SPG11: variants seen among roughly 807,000 people sequenced by gnomAD.
SPG11 encodes SPG11 vesicle trafficking associated, spatacsin.
Under a neutral mutation model 274.0 loss-of-function variants are expected in SPG11, and 222 were observed. The observed-to-expected ratio is 0.81, with a 90% CI of 0.73 to 0.91. The LOEUF is 0.91. SPG11 is among the 40% of genes least tolerant of loss of function. The pLI, the probability that SPG11 is intolerant of heterozygous loss-of-function variation, is 0.00. For missense variants in SPG11, 3,114 were observed against 2,872.7 expected (o/e 1.08, Z -1.92); for synonymous variants, 1,144 against 1,039.7 (o/e 1.10, Z -1.93).
rs2084783864 is a variant in SPG11 at position 44,651,738 on chromosome 15, A to G, written c.1209T>C (p.His403=). The change falls in exon 6 of 40, where the codon CAT becomes CAC. Residue 403 remains histidine, a synonymous_variant. Coordinates refer to ENST00000261866, the MANE Select transcript of SPG11 (RefSeq NM_025137.4). ...HGQYNVLQKD[H]AKTSDPGRSW... ...ATCTTCCTGGATCACTGGTCTTGGC[A>G]TGATCTTTCTGTAGAACATTATATT... 1 of 1,614,228 alleles carries G rather than the reference A, an allele frequency of 6.2e-7. No individual in the cohort carries two copies. Among genetic ancestry groups the G allele is most frequent in the South Asian group, 1.1e-5 (1 of 91,088 alleles).
Position 44,663,619 on chromosome 15 carries a change from G to C in SPG11, c.29C>G (p.Ala10Gly), listed in dbSNP as rs750165094. ...GCCCCAGCTACCGCCGGCGGAAGCA[G>C]CACTCGCGACCCCTTCCTCTGCAGC... is the stretch of plus-strand genomic sequence containing the variant. Reference protein sequence around the residue: MAAEEGVASAASAGGSWGTA... With the variant: MAAEEGVASGASAGGSWGTA... Residue 10 changes from alanine to glycine, a missense_variant, in exon 1 of 40, where the codon GCT becomes GGT. Physicochemically the swap from Ala to Gly is moderately conservative, Grantham distance 60 (BLOSUM62 0). Coordinates refer to ENST00000261866, the MANE Select transcript of SPG11 (RefSeq NM_025137.4). 14 of 1,596,354 alleles carry C rather than the reference G, an allele frequency of 8.8e-6. No homozygotes were observed. The East Asian group carries it at 2.2e-4, about 26-fold the overall frequency.
Position 44,657,096 on chromosome 15 carries a change from T to C in SPG11, c.868A>G (p.Arg290Gly). Residue 290 changes from arginine to glycine, a missense_variant and splice_region_variant, in exon 4 of 40, where the codon AGG (arginine) becomes GGG (glycine). Coordinates refer to ENST00000261866, the MANE Select transcript of SPG11 (RefSeq NM_025137.4). ...AVALNLNLYF[R>G]QHPGHLLCER... ...TAGAAACTGCAGTCATCTACATACC[T>C]GAAATACAAATTTAAGTTAAGAGCA... The C allele has an allele frequency of 6.2e-7, 1 of 1,613,678 alleles. No individual in the cohort carries two copies. The highest frequency in any genetic ancestry group is 8.5e-7 in the Non-Finnish European group (1 of 1,179,718).
chr15:44,572,947 T>C (rs2082453400), intron 32 of SPG11, 127 bp from the exon 33 acceptor site: 2 of 838,750 alleles, frequency 2.4e-6, no homozygotes, highest in Non-Finnish European at 4.0e-6. Flanking sequence ...CTTGAAACCC[T>C]TGGCCTATTG....
At chr15:44,572,613 T>C (rs761517054) in intron 33 of SPG11, 70 bp downstream of exon 33, 4 of 1,558,698 alleles carry the variant, frequency 2.6e-6, no homozygotes, top group Non-Finnish European at 2.6e-6. Context: ...AATCAAGTTT[T>C]GGAGAGACTG....
intron 30 of SPG11, among the ~76,000 whole-genome samples, chr15:44,578,502 A>G (rs2082592748): frequency 6.7e-6 from 1 of 149,654 alleles, no homozygotes; most frequent in African/African-American, 2.5e-5. Flanking sequence ...AATAACTGAA[A>G]AGAGAAGCCT....
chr15:44,612,712 T>G (rs2083492677), intron 17 of SPG11, among the ~76,000 whole-genome samples: 1 of 152,136 alleles, frequency 6.6e-6, no homozygotes, highest in African/African-American at 2.4e-5. Flanking sequence ...ACCTTCTTGA[T>G]AGTTGTCTGT....
At position 44,572,792 on chromosome 15, in the gene SPG11, C is replaced by T; in HGVS notation, c.6234G>A (p.Glu2078=). 2 of 1,614,056 alleles carry T rather than the reference C, an allele frequency of 1.2e-6. No individual in the cohort carries two copies. The highest frequency in any genetic ancestry group is 1.7e-6 in the Non-Finnish European group (2 of 1,179,998). The change falls in exon 33 of 40, where the codon GAG becomes GAA. Residue 2078 remains glutamate, a synonymous_variant. Transcript: ENST00000261866. The stretch of plus-strand genomic sequence containing the variant: ...TCAGCTGAAGAAATGTCTGGCTTTC[C>T]TCTGTTGGGTTGAACATCTGCTTAT... ...TGHKQMFNPT[E]ESQTFLQLTT...
chr15:44,567,906 A>ATG (rs2082342297), intron 35 of SPG11, among the ~76,000 whole-genome samples: 1 of 152,232 alleles, frequency 6.6e-6, no homozygotes, highest in Non-Finnish European at 1.5e-5. Context: ...GCTAAGATGA[A>ATG]TGTAACAGGG....
chr15:44,622,866 G>A (rs980556625), intron 11 of SPG11, 67 bp from the exon 12 acceptor site: 18 of 1,145,360 alleles, frequency 1.6e-5, no homozygotes, highest in Non-Finnish European at 2.3e-5. Flanking sequence ...ACATAAATAT[G>A]TGTTAGATAC....
rs535152071 is a variant in SPG11 at position 44,563,142 on chromosome 15, T to C, written c.7311A>G (p.Leu2437=). The C allele has an allele frequency of 6.2e-7, 1 of 1,614,178 alleles. No individual in the cohort carries two copies. Among genetic ancestry groups the C allele is most frequent in the Non-Finnish European group, 8.5e-7 (1 of 1,180,022 alleles). Reference sequence around the variant, plus strand: ...TCATCTAACCTGCTAGCATGTCCTTTAGACAGCAACCTGTCTGAGGGTCCT... The same window carrying C: ...TCATCTAACCTGCTAGCATGTCCTTCAGACAGCAACCTGTCTGAGGGTCCT... ...LLKDPQTGCC[L]KDMLAG is the part of the protein sequence containing the mutation. Residue 2437 remains leucine, a synonymous_variant, in exon 40 of 40, where the codon CTA becomes CTG. Transcript: ENST00000261866.
At chr15:44,612,557 G>A (rs915036636) in intron 17 of SPG11, among the ~76,000 whole-genome samples, 1 of 151,908 alleles carries the variant, frequency 6.6e-6, no homozygotes, top group Non-Finnish European at 1.5e-5. Flanking sequence ...TGCCACCACA[G>A]CTAATTTTTA....
intron 7 of SPG11, among the ~76,000 whole-genome samples, chr15:44,646,887 C>A (rs768789580): frequency 6.6e-6 from 1 of 152,096 alleles, no homozygotes; most frequent in Non-Finnish European, 1.5e-5. Flanking sequence ...TGCTTATTAC[C>A]TGAGTGATGA....
chr15:44,614,716 A>G (rs1004312148), intron 16 of SPG11, among the ~76,000 whole-genome samples: 3 of 152,138 alleles, frequency 2.0e-5, no homozygotes. Flanking sequence ...GGGAGTAACT[A>G]CCCCATAGAG....
intron 20 of SPG11, among the ~76,000 whole-genome samples, chr15:44,602,564 C>T (rs553783442): frequency 1.3e-5 from 2 of 151,486 alleles, no homozygotes; most frequent in Admixed American, 6.6e-5. Context: ...CTGCAAGTTC[C>T]GCCTCCCGTA....
chr15:44,570,479 C>T, intron 34 of SPG11, 46 bp downstream of exon 34: 1 of 1,613,318 alleles, frequency 6.2e-7, no homozygotes, highest in Non-Finnish European at 8.5e-7. Context: ...CTACTACTCT[C>T]AAAGGTTTCC....
In SPG11 at chr15:44,654,535, CTTA is replaced by C. The variant is rs549626531; in HGVS notation, c.870-2272_870-2270del. On this transcript the variant is annotated intron_variant, in intron 4 of 39. Transcript: ENST00000261866. ...AATTAAAAAAAAAGAAACCCACAAACTTATTATAAAAAGTTAAGATTGGCTGGG... is the reference window on the plus strand; with the variant it reads ...AATTAAAAAAAAAGAAACCCACAAACTTATAAAAAGTTAAGATTGGCTGGG... Among the ~76,000 whole-genome samples, 1,070 of 151,474 alleles carry C rather than the reference CTTA, an allele frequency of 7.1e-3. 14 individuals are homozygous for C. The highest frequency in any genetic ancestry group is 0.024 in the African/African-American group (994 of 41,252).
chr15:44,584,318 C>T lies in SPG11; in HGVS notation c.5362G>A (p.Val1788Met), dbSNP rs200918991. 3.5e-5 allele frequency: 56 copies of T among 1,611,324 alleles called. No homozygotes were observed. The highest frequency in any genetic ancestry group is 8.4e-5 in the Admixed American group (5 of 59,820). The change falls in exon 30 of 40, where the codon GTG (valine) becomes ATG (methionine). Residue 1788 changes from valine to methionine, a missense_variant. Physicochemically the swap from Val to Met is conservative, Grantham distance 21. Transcript: ENST00000261866. ...TCCTCCAGCTTATCCAAGGGCACCA[C>T]GTCCTCCTGGGCAAGCCAGTGCCCT... is the stretch of plus-strand genomic sequence containing the variant. ...LAGHWLAQED[V>M]VPLDKLEELE...
At chr15:44,614,026 A>C (rs1043386682) in intron 16 of SPG11, among the ~76,000 whole-genome samples, 3 of 152,342 alleles carry the variant, frequency 2.0e-5, no homozygotes, top group East Asian at 1.9e-4. Context: ...TCTAAGTGAC[A>C]GAGTGAGACT....
intron 2 of SPG11, 151 bp downstream of exon 2, chr15:44,660,281 A>T (rs371724874): frequency 2.6e-5 from 17 of 644,236 alleles, no homozygotes; most frequent in South Asian, 2.6e-4. Flanking sequence ...TATTAACCAT[A>T]TTTCAAGTGC....
Sources: allele counts gnomAD v4.1 joint callset (sites outside exome capture counted in the v4.1 genomes callset), GRCh38; gene constraint gnomAD v4.1.1; transcripts MANE v1.5; gene names NCBI Gene and HGNC (gene_info 2026-07-23, HGNC 2026-07-21).